The following FAM120C variants were observed in gnomAD, a reference collection of about 807,000 sequenced individuals.
The protein encoded by FAM120C is constitutive coactivator of PPAR-gamma-like protein 2.
A neutral mutation model predicts 71.2 loss-of-function variants in FAM120C; 14 were observed. That is an observed-to-expected ratio of 0.20 (90% CI 0.13 to 0.31). FAM120C has a LOEUF of 0.31. Ranked by LOEUF, FAM120C falls within the 10% of genes least tolerant of loss-of-function variation. The pLI is 1.00. For missense variants in FAM120C, 500 were observed against 879.0 expected (o/e 0.57, Z 5.45); for synonymous variants, 354 against 353.2 (o/e 1.00, Z -0.03).
intron 1 of FAM120C, among the ~76,000 whole-genome samples, chrX:54,169,638 T>C (rs2067277417): frequency 8.9e-6 from 1 of 111,955 alleles, no homozygotes. Context: ...CTGAGTTCTG[T>C]GGTCTATCTT....
chrX:54,108,945 C>A (rs1464609455), intron 10 of FAM120C, among the ~76,000 whole-genome samples: 1 of 71,402 alleles, frequency 1.4e-5, no homozygotes, highest in East Asian at 4.4e-4. Context: ...AAAAAAAACA[C>A]GTAAATACAA....
At chrX:54,114,806 G>A (rs1010690900) in intron 10 of FAM120C, among the ~76,000 whole-genome samples, 1 of 111,444 alleles carries the variant, frequency 9.0e-6, no homozygotes, top group African/African-American at 3.3e-5. Context: ...GGAGTGCAGT[G>A]GCACAATCTC....
intron 10 of FAM120C, among the ~76,000 whole-genome samples, chrX:54,094,319 G>A (rs1223320033): frequency 7.5e-5 from 8 of 106,481 alleles, no homozygotes; most frequent in Middle Eastern, 4.8e-3. Flanking sequence ...GGATGGTCTC[G>A]AACTCCTGAC....
chrX:54,133,356 A>C (rs1319795065), intron 8 of FAM120C, among the ~76,000 whole-genome samples: 1 of 112,342 alleles, frequency 8.9e-6, no homozygotes, highest in East Asian at 2.8e-4. Context: ...TAAAGTCTCA[A>C]CAATGACTAT....
chrX:54,150,377 A>T (rs2067178407), intron 4 of FAM120C, among the ~76,000 whole-genome samples: 1 of 112,718 alleles, frequency 8.9e-6, no homozygotes, highest in Admixed American at 9.5e-5. Context: ...GGGTACTCAA[A>T]GTACAGTTTC....
chrX:54,095,629 G>A (rs1444120707), intron 10 of FAM120C, among the ~76,000 whole-genome samples: 2 of 111,448 alleles, frequency 1.8e-5, no homozygotes, highest in African/African-American at 3.3e-5. Context: ...TTACAGGCGT[G>A]AGCCACTGCT....
chrX:54,089,559 C>T (rs1167905025), intron 11 of FAM120C, among the ~76,000 whole-genome samples: 1 of 111,977 alleles, frequency 8.9e-6, no homozygotes, highest in African/African-American at 3.2e-5. Flanking sequence ...TCTTATTGAA[C>T]TTGATCTTCT....
intron 10 of FAM120C, among the ~76,000 whole-genome samples, chrX:54,111,944 C>G (rs782506996): frequency 7.0e-4 from 79 of 112,135 alleles, no homozygotes; most frequent in Non-Finnish European, 1.4e-3. Flanking sequence ...ACACATAGAT[C>G]AATGGAACAG....
At chrX:54,129,696 C>G (rs1274983764) in intron 9 of FAM120C, among the ~76,000 whole-genome samples, 1 of 112,032 alleles carries the variant, frequency 8.9e-6, no homozygotes, top group Non-Finnish European at 1.9e-5. Flanking sequence ...TGTAGCGAGC[C>G]AAGATCACGC....
intron 4 of FAM120C, among the ~76,000 whole-genome samples, chrX:54,138,291 AG>A (rs1416173924): frequency 1.8e-5 from 2 of 108,438 alleles, no homozygotes; most frequent in Non-Finnish European, 3.8e-5. Flanking sequence ...ACTTCTGCCC[AG>A]GAATTCAGAC....
intron 10 of FAM120C, 44 bp downstream of exon 10, chrX:54,116,501 A>T: frequency 8.6e-7 from 1 of 1,164,887 alleles, no homozygotes; most frequent in Non-Finnish European, 1.1e-6. Context: ...ATATAAAAAA[A>T]GTAAAAGAGA....
At chrX:54,079,031 C>T (rs1239463602) in intron 15 of FAM120C, among the ~76,000 whole-genome samples, 7 of 108,408 alleles carry the variant, frequency 6.5e-5, no homozygotes, top group Non-Finnish European at 9.5e-5. Flanking sequence ...GAGGCCAAGG[C>T]GGGCAGATCA....
At chrX:54,097,324 T>G (rs1353953610) in intron 10 of FAM120C, among the ~76,000 whole-genome samples, 1 of 112,128 alleles carries the variant, frequency 8.9e-6, no homozygotes, top group Non-Finnish European at 1.9e-5. Context: ...GGAGACTACC[T>G]GTTATACCTT....
At chrX:54,102,927 C>A (rs1157194484) in intron 10 of FAM120C, among the ~76,000 whole-genome samples, 1 of 110,248 alleles carries the variant, frequency 9.1e-6, no homozygotes, top group Non-Finnish European at 1.9e-5. Context: ...ACCATGTTGG[C>A]CAGGATGGTC....
rs1226487426 is a variant in FAM120C, at chrX:54,157,860, CAAAT to C, written c.947-93_947-90del. ...AAGGGGTCCTGGGAGAGAAAATGAT[CAAAT>C]AATTCACATAGGTCTGTATTCTTAA... On this transcript the variant is annotated intron_variant, in intron 2 of 15. Coordinates refer to ENST00000375180, the MANE Select transcript of FAM120C (RefSeq NM_017848.6). The C allele has an allele frequency of 5.4e-6, 3 of 558,477 alleles. No homozygotes were observed. The African/African-American group carries it at 6.9e-5, about 13-fold the overall frequency. 46.0% of individuals were successfully genotyped at this position (558,477 alleles called of 1,213,427 possible). A position where few individuals can be genotyped will look rare whatever the true frequency, so the allele number is the denominator to read the frequency against.
At chrX:54,152,172 G>A (rs782013457) in intron 3 of FAM120C, among the ~76,000 whole-genome samples, 5 of 107,990 alleles carry the variant, frequency 4.6e-5, no homozygotes, top group African/African-American at 1.4e-4. Flanking sequence ...CACGCACCAC[G>A]ACTGGATTTG....
Position 54,155,840 on chromosome X carries a change from C to T in FAM120C, c.1029+1849G>A, listed in dbSNP as rs918792015. ...GCTGTGCCTGATAGTCCCAGCTACTCAGGAGGTTTAGGCAGGAGGATTGAT... is the reference window on the plus strand; with the variant it reads ...GCTGTGCCTGATAGTCCCAGCTACTTAGGAGGTTTAGGCAGGAGGATTGAT... On this transcript the variant is annotated intron_variant, in intron 3 of 15. Coordinates refer to ENST00000375180, the MANE Select transcript of FAM120C (RefSeq NM_017848.6). 2.7e-5 allele frequency among the ~76,000 whole-genome samples: 3 copies of T among 110,836 alleles called. No homozygotes were observed. The Admixed American group carries it at 2.9e-4, about 11-fold the overall frequency.
intron 4 of FAM120C, among the ~76,000 whole-genome samples, chrX:54,139,337 AT>A (rs1557131214): frequency 1.0e-5 from 1 of 96,185 alleles, no homozygotes; most frequent in African/African-American, 4.1e-5. Flanking sequence ...GCTTTTATTT[AT>A]TTATTTATTT....
chrX:54,085,330 G>A (rs1324564347), intron 13 of FAM120C, among the ~76,000 whole-genome samples: 1 of 112,312 alleles, frequency 8.9e-6, no homozygotes, highest in Non-Finnish European at 1.9e-5. Flanking sequence ...GCTCACGCCT[G>A]TAATCCCAGC....
Sources: allele counts gnomAD v4.1 joint callset (sites outside exome capture counted in the v4.1 genomes callset), GRCh38; gene constraint gnomAD v4.1.1; transcripts MANE v1.5; gene names NCBI Gene and HGNC (gene_info 2026-07-23, HGNC 2026-07-21).